The following DENND1A variants were observed in gnomAD, a reference collection of about 807,000 sequenced individuals.
DENND1A encodes the protein DENN domain containing 1A, also known as DENN domain-containing protein 1A.
A neutral mutation model predicts 113.7 loss-of-function variants in DENND1A; 51 were observed. That is an observed-to-expected ratio of 0.45 (90% CI 0.36 to 0.57). The LOEUF (loss-of-function observed/expected upper bound fraction) is 0.57. DENND1A is among the 20% of genes least tolerant of loss of function. The probability of loss-of-function intolerance (pLI) is 0.00; values close to 1 mark genes in which losing one functional copy is unlikely to be tolerated. For synonymous variants in DENND1A, 565 were observed against 570.8 expected, an observed-to-expected ratio of 0.99 and a Z score of 0.14; for missense variants, 1,258 against 1,395.9, an observed-to-expected ratio of 0.90 and a Z score of 1.57.
At chr9:123,478,694 T>C (rs1435740287) in intron 13 of DENND1A, among the ~76,000 whole-genome samples, 1 of 152,186 alleles carries the variant, frequency 6.6e-6, no homozygotes, top group Admixed American at 6.5e-5. Context: ...ATAAAGGAAG[T>C]CTAGTAAAAT....
intron 13 of DENND1A, among the ~76,000 whole-genome samples, chr9:123,509,600 C>A (rs1045685047): frequency 6.6e-6 from 1 of 152,164 alleles, no homozygotes; most frequent in Non-Finnish European, 1.5e-5. Flanking sequence ...ATTTTCAGTC[C>A]TTTACTACTC....
intron 13 of DENND1A, 135 bp from the exon 14 acceptor site, chr9:123,458,032 ACT>A: frequency 1.6e-6 from 1 of 623,978 alleles, no homozygotes; most frequent in East Asian, 2.9e-5. Flanking sequence ...ATGGAGTCTC[ACT>A]CTGTCACCCA....
intron 13 of DENND1A, among the ~76,000 whole-genome samples, chr9:123,513,542 T>A (rs1168379045): frequency 2.6e-5 from 4 of 152,150 alleles, no homozygotes; most frequent in African/African-American, 9.7e-5. Flanking sequence ...AGGCCCAGGG[T>A]CTGAGGACGC....
At chr9:123,772,489 G>A (rs994080635) in intron 3 of DENND1A, among the ~76,000 whole-genome samples, 3 of 151,974 alleles carry the variant, frequency 2.0e-5, no homozygotes, top group African/African-American at 7.3e-5. Context: ...TCTCTTTCCC[G>A]TTTCTCTTGC....
intron 11 of DENND1A, among the ~76,000 whole-genome samples, chr9:123,587,584 T>G (rs573689341): frequency 7.9e-5 from 12 of 152,280 alleles, no homozygotes; most frequent in South Asian, 2.1e-4. Flanking sequence ...TGCGTCCGTT[T>G]ATAGGCTCTC....
chr9:123,706,551 C>T (rs927756285), intron 5 of DENND1A, among the ~76,000 whole-genome samples: 8 of 151,510 alleles, frequency 5.3e-5, no homozygotes, highest in Non-Finnish European at 1.0e-4. Context: ...ACGGGCGGAT[C>T]ACGAGGTCAG....
intron 8 of DENND1A, among the ~76,000 whole-genome samples, chr9:123,655,089 C>T (rs1000123353): frequency 6.6e-6 from 1 of 152,204 alleles, no homozygotes; most frequent in Admixed American, 6.5e-5. Context: ...TCGAATGCCC[C>T]ACTCTTCCTT....
At chr9:123,612,032 C>T (rs1020865501) in intron 10 of DENND1A, among the ~76,000 whole-genome samples, 1 of 152,240 alleles carries the variant, frequency 6.6e-6, no homozygotes, top group Non-Finnish European at 1.5e-5. Flanking sequence ...AGAACTGCAA[C>T]AGCTCTGTAT....
chr9:123,807,201 G>A (rs1195127229), intron 2 of DENND1A, among the ~76,000 whole-genome samples: 1 of 151,998 alleles, frequency 6.6e-6, no homozygotes, highest in East Asian at 1.9e-4. Flanking sequence ...TAGGATTATT[G>A]GTGATTTTTT....
chr9:123,482,894 C>T (rs891445450), intron 13 of DENND1A, among the ~76,000 whole-genome samples: 11 of 152,164 alleles, frequency 7.2e-5, no homozygotes, highest in Admixed American at 2.6e-4. Flanking sequence ...GGGGCTCCAA[C>T]CAAGCCTGGG....
chr9:123,713,607 A>C (rs946980512), intron 5 of DENND1A, among the ~76,000 whole-genome samples: 1 of 152,064 alleles, frequency 6.6e-6, no homozygotes, highest in African/African-American at 2.4e-5. Flanking sequence ...ACCTTTCCAC[A>C]TACTCCTTAT....
intron 1 of DENND1A, among the ~76,000 whole-genome samples, chr9:123,910,816 T>C (rs1378090078): frequency 6.6e-6 from 1 of 152,174 alleles, no homozygotes; most frequent in East Asian, 1.9e-4. Context: ...GGCACACACC[T>C]GTAATCCCAG....
At chr9:123,499,369 T>A (rs1376329234) in intron 13 of DENND1A, among the ~76,000 whole-genome samples, 2 of 152,232 alleles carry the variant, frequency 1.3e-5, no homozygotes, top group Non-Finnish European at 2.9e-5. Context: ...GATTTCCTCA[T>A]CTGAATTATA....
intron 11 of DENND1A, among the ~76,000 whole-genome samples, chr9:123,597,554 A>G (rs918867376): frequency 7.9e-5 from 12 of 152,172 alleles, no homozygotes; most frequent in Admixed American, 5.2e-4. Flanking sequence ...AGGTCTGCAG[A>G]GTGAGAAGTG....
rs2066810587 is a variant in DENND1A, at chr9:123,714,035, GT to G, written c.303-37247del. On this transcript the variant is annotated intron_variant, in intron 5 of 23. Coordinates refer to ENST00000394215, the MANE Select transcript of DENND1A (RefSeq NM_001352964.2). ...CTTTTAACAGTACTTAAAAATTAGT[GT>G]GTACAGTTAGAAGCATGCTTGCCTA... Among the ~76,000 whole-genome samples the G allele has an allele frequency of 2.0e-5, 3 of 152,316 alleles. No homozygotes were observed. The South Asian group carries it at 6.2e-4, about 32-fold the overall frequency.
chr9:123,762,074 A>G (rs1183538876), intron 4 of DENND1A, among the ~76,000 whole-genome samples: 1 of 152,244 alleles, frequency 6.6e-6, no homozygotes, highest in East Asian at 1.9e-4. Flanking sequence ...CAAAAATCCA[A>G]GCCAACTTCT....
At chr9:123,425,862 G>C (rs2045683131) in intron 19 of DENND1A, among the ~76,000 whole-genome samples, 1 of 152,250 alleles carries the variant, frequency 6.6e-6, no homozygotes, top group African/African-American at 2.4e-5. Context: ...AGGATTTTCT[G>C]TTCAGGTGGA....
At chr9:123,857,426 G>T (rs1844385209) in intron 2 of DENND1A, among the ~76,000 whole-genome samples, 1 of 152,070 alleles carries the variant, frequency 6.6e-6, no homozygotes, top group South Asian at 2.1e-4. Flanking sequence ...AATGAGAAAT[G>T]GAATATTTAC....
Position 123,382,565 on chromosome 9 carries a change from G to A in DENND1A, c.2080C>T (p.His694Tyr), listed in dbSNP as rs745342804. The A allele has an allele frequency of 2.5e-6, 4 of 1,614,074 alleles. No individual in the cohort carries two copies. Among genetic ancestry groups the A allele is most frequent in the Non-Finnish European group, 2.5e-6 (3 of 1,180,006 alleles). ...RGVTVALKLT[H>Y]PYNKLWSLGQ... Reference sequence around the variant, plus strand: ...AGGCTCCAGAGCTTGTTGTACGGGTGGGTAAGCTTCAAGGCCACTGTCACC... The same window carrying A: ...AGGCTCCAGAGCTTGTTGTACGGGTAGGTAAGCTTCAAGGCCACTGTCACC... Residue 694 changes from histidine (H) to tyrosine (Y), a missense_variant, in exon 24 of 24, where the codon CAC (histidine) becomes TAC (tyrosine). Physicochemically the swap from His to Tyr is moderately conservative, Grantham distance 83. This residue lies in a region of DENND1A where 1,159 missense variants were observed against 1,231.7 expected (regional missense o/e 0.94). Transcript: ENST00000394215.
Sources: gnomAD v4.1 joint callset for allele counts (sites outside exome capture counted in the v4.1 genomes callset) on GRCh38, gnomAD v4.1.1 for gene constraint, gnomAD v4.1.1 regional missense constraint, MANE v1.5 for transcripts, NCBI Gene and HGNC (gene_info 2026-07-23, HGNC 2026-07-21) for gene names.